NOP9: variants seen among roughly 807,000 people sequenced by gnomAD.
NOP9 encodes the protein NOP9 nucleolar protein.
A neutral mutation model predicts 63.0 loss-of-function variants in NOP9; 50 were observed. That is an observed-to-expected ratio of 0.79 (90% CI 0.63 to 1.00). The LOEUF (loss-of-function observed/expected upper bound fraction) is 1.00, where lower values mean the gene tolerates loss of function less well. Ranked by LOEUF, NOP9 falls within the 50% of genes least tolerant of loss-of-function variation. The pLI is 0.00. For missense variants in NOP9, 758 were observed against 803.0 expected (o/e 0.94, Z 0.68); for synonymous variants, 343 against 332.8 (o/e 1.03, Z -0.33).
the NOP9 span, chr14:24,271,288 A>G: frequency 3.7e-6 from 3 of 812,796 alleles, no homozygotes; most frequent in Admixed American, 3.2e-5. Context: ...GTCCTGGGAC[A>G]GGCTTTGCAC....
intron 3 of NOP9, 70 bp from the exon 4 acceptor site, chr14:24,301,895 C>G (rs4366641): frequency 6.5e-7 from 1 of 1,543,048 alleles, no homozygotes; most frequent in East Asian, 2.3e-5. Context: ...ATCTTGTTGC[C>G]TAAAGTTTGA....
chr14:24,274,508 T>G, the NOP9 span, among the ~76,000 whole-genome samples: 1 of 152,008 alleles, frequency 6.6e-6, no homozygotes, highest in Admixed American at 6.6e-5. Flanking sequence ...GTGGAACTGA[T>G]GATAATAAGC....
chr14:24,290,725 G>A, the NOP9 span: 19 of 1,171,514 alleles, frequency 1.6e-5, no homozygotes, highest in African/African-American at 1.4e-4. Flanking sequence ...AACTCACCAC[G>A]GACACACAGC....
chr14:24,306,175 C>A lies in NOP9; in HGVS notation c.*1080C>A. On this transcript the variant is annotated 3_prime_UTR_variant, in exon 10 of 10. Transcript: ENST00000267425. ...CTTGTCAGTGCAGTAGATCCTCATA[C>A]CAGACACCCACCACTAATCTCCATC... 2 of 1,592,628 alleles carry A rather than the reference C, an allele frequency of 1.3e-6. No homozygotes were observed. Among genetic ancestry groups the A allele is most frequent in the Non-Finnish European group, 1.7e-6 (2 of 1,164,834 alleles).
the NOP9 span, among the ~76,000 whole-genome samples, chr14:24,288,921 C>T: frequency 1.3e-5 from 2 of 151,796 alleles, no homozygotes; most frequent in Non-Finnish European, 2.9e-5. Flanking sequence ...TCACCAAGTC[C>T]TCCCACCTTA....
At chr14:24,298,907 G>A, upstream of NOP9, 2 of 1,554,130 alleles carry the variant, frequency 1.3e-6, no homozygotes, top group Non-Finnish European at 1.8e-6. Context: ...TTAAGTGGAA[G>A]GGCTCTCTCG....
At chr14:24,299,760 C>T, upstream of NOP9, 1 of 616,474 alleles carries the variant, frequency 1.6e-6, no homozygotes, top group Non-Finnish European at 2.7e-6. Flanking sequence ...TTAGAACCTG[C>T]GGATGGGGGC....
the NOP9 span, chr14:24,292,199 A>G: frequency 6.2e-7 from 1 of 1,613,990 alleles, no homozygotes; most frequent in Non-Finnish European, 8.5e-7. Flanking sequence ...TCAACACAGG[A>G]TCCTGCAGGA....
intron 2 of NOP9, 98 bp from the exon 3 acceptor site, chr14:24,301,514 G>C (rs2041375982): frequency 1.4e-6 from 2 of 1,462,816 alleles, no homozygotes; most frequent in Non-Finnish European, 1.9e-6. Flanking sequence ...CATCTGTTCT[G>C]CATCTCCAAG....
At chr14:24,290,799 G>A in the NOP9 span, 1 of 1,602,984 alleles carries the variant, frequency 6.2e-7, no homozygotes, top group East Asian at 2.2e-5. Context: ...CACTGAGACA[G>A]GACGAACCAC....
the NOP9 span, among the ~76,000 whole-genome samples, chr14:24,283,704 AC>A: frequency 6.6e-6 from 1 of 152,190 alleles, no homozygotes; most frequent in Non-Finnish European, 1.5e-5. Context: ...GGCTTTGCTA[AC>A]CCCCTGCCTC....
At chr14:24,279,238 C>G in the NOP9 span, among the ~76,000 whole-genome samples, 4 of 152,202 alleles carry the variant, frequency 2.6e-5, no homozygotes, top group East Asian at 7.7e-4. Context: ...GAGCAGGGGA[C>G]TAGAGTAACT....
At chr14:24,296,105 C>G (rs1383973376), upstream of NOP9, among the ~76,000 whole-genome samples, 1 of 152,196 alleles carries the variant, frequency 6.6e-6, no homozygotes, top group African/African-American at 2.4e-5. Flanking sequence ...GATGTGGAGA[C>G]TAAACAGCAT....
chr14:24,304,014 C>T (rs1169631176), intron 7 of NOP9, 27 bp from the exon 8 acceptor site: 2 of 1,605,796 alleles, frequency 1.2e-6, no homozygotes, highest in South Asian at 2.2e-5. Context: ...GTTGGTGCCT[C>T]CTAATTTCTT....
chr14:24,292,878 G>A, the NOP9 span: 3 of 1,472,796 alleles, frequency 2.0e-6, no homozygotes, highest in African/African-American at 2.8e-5. Context: ...TCTGGTGGTT[G>A]TTGTCCACTA....
chr14:24,277,773 G>A, the NOP9 span, among the ~76,000 whole-genome samples: 1 of 152,180 alleles, frequency 6.6e-6, no homozygotes, highest in African/African-American at 2.4e-5. Flanking sequence ...GAGGGTGGAA[G>A]GAGGCATCCA....
the NOP9 span, chr14:24,290,471 G>A: frequency 4.6e-6 from 1 of 217,480 alleles, no homozygotes; most frequent in Non-Finnish European, 9.3e-6. Context: ...AGCAGGAACA[G>A]TTCTGGAGGA....
the NOP9 span, among the ~76,000 whole-genome samples, chr14:24,283,564 A>G: frequency 6.6e-6 from 1 of 152,120 alleles, no homozygotes; most frequent in African/African-American, 2.4e-5. Context: ...CGCACCACCC[A>G]CTGAACTCCA....
At chr14:24,279,549 G>T in the NOP9 span, among the ~76,000 whole-genome samples, 1 of 152,226 alleles carries the variant, frequency 6.6e-6, no homozygotes, top group Non-Finnish European at 1.5e-5. Flanking sequence ...CTCTCCCAGG[G>T]TGTGGTGGGT....
Sources: gnomAD v4.1 joint callset for allele counts (sites outside exome capture counted in the v4.1 genomes callset) on GRCh38, gnomAD v4.1.1 for gene constraint, MANE v1.5 for transcripts, NCBI Gene and HGNC (gene_info 2026-07-23, HGNC 2026-07-21) for gene names.